The following CD84 variants were observed in gnomAD, a reference collection of about 807,000 sequenced individuals.
CD84 encodes the protein CD84 molecule, also known as SLAM family member 5.
In CD84, 22 loss-of-function variants were observed where a neutral mutation model predicts 33.8. The ratio of observed to expected loss-of-function variants is 0.65; its 90% CI spans 0.46 to 0.93. CD84 has a LOEUF of 0.93. CD84 is among the 40% of genes least tolerant of loss of function. The pLI, the probability that CD84 is intolerant of heterozygous loss-of-function variation, is 0.00. For missense variants in CD84, 400 were observed against 397.6 expected (o/e 1.01, Z -0.05); for synonymous variants, 154 against 145.2 (o/e 1.06, Z -0.44).
At chr1:160,572,835 A>G (rs900181338) in intron 1 of CD84, among the ~76,000 whole-genome samples, 4 of 152,162 alleles carry the variant, frequency 2.6e-5, no homozygotes, top group Non-Finnish European at 2.9e-5. Context: ...TTAGATGGAA[A>G]AACCTGTTCA....
intron 2 of CD84, among the ~76,000 whole-genome samples, chr1:160,565,130 G>A (rs1189329830): frequency 6.6e-6 from 1 of 151,940 alleles, no homozygotes; most frequent in Non-Finnish European, 1.5e-5. Flanking sequence ...GATAACCCTG[G>A]GAAGTGAGTA....
intron 5 of CD84, chr1:160,550,477 C>G (rs1160309567): frequency 3.8e-6 from 1 of 265,090 alleles, no homozygotes; most frequent in Non-Finnish European, 5.8e-6. Flanking sequence ...AACAGTGACT[C>G]TGAGTCTGAG....
Position 160,553,889 on chromosome 1 carries a change from G to C in CD84, c.640+6C>G. The C allele has an allele frequency of 6.2e-7, 1 of 1,614,166 alleles. No individual in the cohort carries two copies. The highest frequency in any genetic ancestry group is 8.5e-7 in the Non-Finnish European group (1 of 1,180,030). ...CTCACCAGGAGAGATGGGCAGAGCT[G>C]GTTACCTGCACAGAGCTGCCGGGCA... On this transcript the variant is annotated splice_donor_region_variant and intron_variant, in intron 3 of 6. Coordinates refer to ENST00000368054, the MANE Select transcript of CD84 (RefSeq NM_003874.4).
rs1655530096 is a variant in CD84, at chr1:160,541,315, A to C, written c.*6941T>G. On this transcript the variant is annotated 3_prime_UTR_variant, in exon 7 of 7. Transcript: ENST00000368054. Reference sequence around the variant, plus strand: ...TTAGTGGCATTTGCCACTAGTGAGCATAATTTCCATGTTCAAATGAATAAT... The same window carrying C: ...TTAGTGGCATTTGCCACTAGTGAGCCTAATTTCCATGTTCAAATGAATAAT... 4 of 152,222 alleles carry C rather than the reference A, an allele frequency of 2.6e-5. No individual in the cohort carries two copies. Among genetic ancestry groups the C allele is most frequent in the African/African-American group, 9.7e-5 (4 of 41,444 alleles). 9.4% of individuals were successfully genotyped at this position (152,222 alleles called of 1,614,324 possible). A position where few individuals can be genotyped will look rare whatever the true frequency, so the allele number is the denominator to read the frequency against.
intron 1 of CD84, among the ~76,000 whole-genome samples, chr1:160,576,061 G>A (rs926463850): frequency 5.3e-5 from 8 of 152,252 alleles, no homozygotes; most frequent in African/African-American, 1.7e-4. Context: ...GTCTGTGGTA[G>A]TCATCTGCTT....
At chr1:160,560,726 A>G (rs139780614) in intron 2 of CD84, among the ~76,000 whole-genome samples, 1 of 152,282 alleles carries the variant, frequency 6.6e-6, no homozygotes. Context: ...TGAAAAAATG[A>G]GAAAAATAGA....
rs376947170 is a variant in CD84, at chr1:160,550,098, C to T, written c.859-119G>A. ...GTCCCACATTTACTGGGTGGCCTCCCCTTTGGCCTCAGTTCTGCCTCCATC... is the reference window on the plus strand; with the variant it reads ...GTCCCACATTTACTGGGTGGCCTCCTCTTTGGCCTCAGTTCTGCCTCCATC... On this transcript the variant is annotated intron_variant, in intron 5 of 6. Coordinates refer to ENST00000368054, the MANE Select transcript of CD84 (RefSeq NM_003874.4). The T allele has an allele frequency of 3.5e-3, 2,587 of 747,562 alleles. 68 individuals carry two copies. The South Asian group carries it at 0.036, about 11-fold the overall frequency. 46.3% of individuals were successfully genotyped at this position (747,562 alleles called of 1,614,324 possible). A position where few individuals can be genotyped will look rare whatever the true frequency, so the allele number is the denominator to read the frequency against.
chr1:160,569,211 C>G (rs377438025), intron 1 of CD84, among the ~76,000 whole-genome samples: 2 of 152,288 alleles, frequency 1.3e-5, no homozygotes. Context: ...AGGGCTAATT[C>G]AAGTAAAGCC....
chr1:160,567,938 C>T (rs886076868), intron 1 of CD84, among the ~76,000 whole-genome samples: 1 of 152,176 alleles, frequency 6.6e-6, no homozygotes, highest in Non-Finnish European at 1.5e-5. Context: ...GGACTTAAGG[C>T]TGCGTTGCCA....
Position 160,565,579 on chromosome 1 carries a change from T to C in CD84, c.213A>G (p.Ala71=), listed in dbSNP as rs748487254. The change falls in exon 2 of 7, where the codon GCA becomes GCG. Residue 71 remains alanine (A), a synonymous_variant. Transcript: ENST00000368054. ...TTCTGTGGGTCACAGTAACTACGGG[T>C]GCTGTTTCTGAGTCTCCTGGTGTTA... ...AYVTPGDSET[A]PVVTVTHRNY... 6.2e-7 allele frequency: 1 copy of C among 1,614,014 alleles called. No individual in the cohort carries two copies. Among genetic ancestry groups the C allele is most frequent in the Non-Finnish European group, 8.5e-7 (1 of 1,179,920 alleles).
chr1:160,551,015 T>A lies in CD84; in HGVS notation c.781A>T (p.Ile261Leu). 6.2e-7 allele frequency: 1 copy of A among 1,613,874 alleles called. No homozygotes were observed. Among genetic ancestry groups the A allele is most frequent in the Non-Finnish European group, 8.5e-7 (1 of 1,179,748 alleles). ...RRQDAASKKT[I>L]YTYIMASRNT... Reference sequence around the variant, plus strand: ...CTTGAAGCCATGATATATGTGTATATGGTTTTCTTTGAGGCAGCATCTGTC... The same window carrying A: ...CTTGAAGCCATGATATATGTGTATAAGGTTTTCTTTGAGGCAGCATCTGTC... Residue 261 changes from isoleucine (I) to leucine (L), a missense_variant, in exon 5 of 7, where the codon ATA becomes TTA. Coordinates refer to ENST00000368054, the MANE Select transcript of CD84 (RefSeq NM_003874.4).
chr1:160,566,219 T>G (rs1421297399), intron 1 of CD84, among the ~76,000 whole-genome samples: 1 of 152,206 alleles, frequency 6.6e-6, no homozygotes, highest in Non-Finnish European at 1.5e-5. Context: ...CTTTTGTCTC[T>G]TTTCTTGGAA....
chr1:160,567,339 A>G (rs1188662785), intron 1 of CD84, among the ~76,000 whole-genome samples: 2 of 152,218 alleles, frequency 1.3e-5, no homozygotes, highest in African/African-American at 4.8e-5. Flanking sequence ...AACCACTGAA[A>G]GAGCCCCAGG....
rs1359261292 is a variant in CD84, at chr1:160,547,998, G to A, written c.*258C>T. 2.0e-6 allele frequency: 1 copy of A among 511,734 alleles called. No homozygotes were observed. The highest frequency in any genetic ancestry group is 3.5e-5 in the East Asian group (1 of 28,980). 31.7% of individuals were successfully genotyped at this position (511,734 alleles called of 1,614,324 possible). ...TTTTCTACATGTGCTATGATGGGAA[G>A]AAGTTTGGGAAAACTATACTAGGTA... On this transcript the variant is annotated 3_prime_UTR_variant, in exon 7 of 7. Transcript: ENST00000368054.
chr1:160,556,669 C>T lies in CD84; in HGVS notation c.389-2523G>A, dbSNP rs564623261. Among the ~76,000 whole-genome samples, 4 of 152,320 alleles carry T rather than the reference C, an allele frequency of 2.6e-5. No homozygotes were observed. The South Asian group carries it at 8.3e-4, about 32-fold the overall frequency. On this transcript the variant is annotated intron_variant, in intron 2 of 6. Transcript: ENST00000368054. ...TTAAAATAGATATTAGAATGCCAAA[C>T]ACATAAATGATGTTCAATAAATGTT... is the stretch of plus-strand genomic sequence containing the variant.
At chr1:160,574,153 CAATT>C (rs1349808520) in intron 1 of CD84, among the ~76,000 whole-genome samples, 3 of 148,804 alleles carry the variant, frequency 2.0e-5, no homozygotes, top group African/African-American at 7.4e-5. Context: ...GCAACTGACT[CAATT>C]AATCTTTTCC....
At chr1:160,576,235 A>C (rs1022314653) in intron 1 of CD84, among the ~76,000 whole-genome samples, 1 of 152,110 alleles carries the variant, frequency 6.6e-6, no homozygotes, top group African/African-American at 2.4e-5. Flanking sequence ...TAGTGAGCCC[A>C]CTCATTTCTT....
At position 160,545,416 on chromosome 1, in the gene CD84, C is replaced by T. The variant is rs924544806; in HGVS notation, c.*2840G>A. ...TATTTTAGGATAAACGCAGCCTGTTCAGTGTCACTTTGGAATTCCTCCATC... is the reference window on the plus strand; with the variant it reads ...TATTTTAGGATAAACGCAGCCTGTTTAGTGTCACTTTGGAATTCCTCCATC... On this transcript the variant is annotated 3_prime_UTR_variant, in exon 7 of 7. Coordinates refer to ENST00000368054, the MANE Select transcript of CD84 (RefSeq NM_003874.4). 3.3e-5 allele frequency: 5 copies of T among 152,144 alleles called. No individual in the cohort carries two copies. The highest frequency in any genetic ancestry group is 1.2e-4 in the African/African-American group (5 of 41,430). The allele number at this position is 152,144 out of a possible 1,614,324, so 9.4% of individuals were successfully genotyped here.
At chr1:160,552,709 G>T (rs947385320) in intron 4 of CD84, 8 of 1,547,260 alleles carry the variant, frequency 5.2e-6, no homozygotes, top group East Asian at 2.4e-5. Context: ...ACTTACAAGG[G>T]TTCTTAGTGA....
Sources: gnomAD v4.1 joint callset for allele counts (sites outside exome capture counted in the v4.1 genomes callset) on GRCh38, gnomAD v4.1.1 for gene constraint, MANE v1.5 for transcripts, NCBI Gene and HGNC (gene_info 2026-07-23, HGNC 2026-07-21) for gene names.